The following XYLT1 variants were observed in gnomAD, a reference collection of about 807,000 sequenced individuals.
XYLT1 encodes xylosyltransferase 1.
Under a neutral mutation model 91.3 loss-of-function variants are expected in XYLT1, and 36 were observed. That is an observed-to-expected ratio of 0.39 (90% CI 0.30 to 0.52). XYLT1 has a LOEUF of 0.52. Ranked by LOEUF, XYLT1 falls within the 20% of genes least tolerant of loss-of-function variation. The probability of loss-of-function intolerance (pLI) is 0.68; values close to 1 mark genes in which losing one functional copy is unlikely to be tolerated. For synonymous variants in XYLT1, 588 were observed against 532.0 expected (o/e 1.11, Z -1.45); for missense variants, 1,242 against 1,284.5 (o/e 0.97, Z 0.51).
In XYLT1 at chr16:17,357,993, A is replaced by T; in HGVS notation, c.402+19T>A. Reference sequence around the variant, plus strand: ...ATACTAAGGCTGAGATAAGTGGCCAAGACAGGAAAGATACTTACCTGAGTC... The same window carrying T: ...ATACTAAGGCTGAGATAAGTGGCCATGACAGGAAAGATACTTACCTGAGTC... On this transcript the variant is annotated intron_variant, in intron 2 of 11. Coordinates refer to ENST00000261381, the MANE Select transcript of XYLT1 (RefSeq NM_022166.4). 6.2e-7 allele frequency: 1 copy of T among 1,613,344 alleles called. No individual in the cohort carries two copies. Among genetic ancestry groups the T allele is most frequent in the Non-Finnish European group, 8.5e-7 (1 of 1,179,662 alleles).
chr16:17,156,325 C>T (rs2031406646), intron 6 of XYLT1, among the ~76,000 whole-genome samples: 1 of 152,234 alleles, frequency 6.6e-6, no homozygotes, highest in South Asian at 2.1e-4. Flanking sequence ...AATTCACACA[C>T]AAGTTGATAC....
intron 1 of XYLT1, among the ~76,000 whole-genome samples, chr16:17,408,405 A>G (rs972056462): frequency 1.3e-5 from 2 of 152,164 alleles, no homozygotes; most frequent in African/African-American, 2.4e-5. Context: ...GCTCAGACTC[A>G]CTCCTGAGTT....
At chr16:17,152,849 C>G (rs1272552309) in intron 6 of XYLT1, among the ~76,000 whole-genome samples, 1 of 152,204 alleles carries the variant, frequency 6.6e-6, no homozygotes, top group Non-Finnish European at 1.5e-5. Flanking sequence ...AGCTGTTTCT[C>G]TTACTATGCT....
intron 9 of XYLT1, among the ~76,000 whole-genome samples, chr16:17,130,766 T>C (rs1402500106): frequency 6.6e-6 from 1 of 152,168 alleles, no homozygotes; most frequent in Non-Finnish European, 1.5e-5. Context: ...CTATAACCTG[T>C]TCCCATAGTA....
intron 1 of XYLT1, among the ~76,000 whole-genome samples, chr16:17,466,858 G>A (rs752789114): frequency 3.3e-5 from 5 of 151,230 alleles, no homozygotes; most frequent in Non-Finnish European, 1.5e-5. Context: ...GTAATGCGTC[G>A]CTCAAACAAA....
intron 1 of XYLT1, among the ~76,000 whole-genome samples, chr16:17,379,794 C>A (rs964509959): frequency 8.1e-6 from 1 of 122,706 alleles, no homozygotes; most frequent in Non-Finnish European, 2.0e-5. Context: ...CACACACACA[C>A]CCCTTACCTC....
At chr16:17,414,005 A>G (rs1304707976) in intron 1 of XYLT1, among the ~76,000 whole-genome samples, 2 of 152,192 alleles carry the variant, frequency 1.3e-5, no homozygotes, top group African/African-American at 2.4e-5. Context: ...AAGCCGGTCA[A>G]TCCCAAACTG....
chr16:17,259,020 G>A lies in XYLT1; in HGVS notation c.881C>T (p.Pro294Leu). Reference protein sequence around the residue: ...YCRHKLGLLMPEKVTRFCPLE... With the variant: ...YCRHKLGLLMLEKVTRFCPLE... Reference sequence around the variant, plus strand: ...GGGGCAGAACCGAGTCACCTTCTCAGGCATCAGCAGCCCTAACTTGTGGCG... The same window carrying A: ...GGGGCAGAACCGAGTCACCTTCTCAAGCATCAGCAGCCCTAACTTGTGGCG... The change falls in exon 3 of 12, where the codon CCT (proline) becomes CTT (leucine). Residue 294 changes from proline to leucine, a missense_variant. Pro to Leu is a moderately conservative substitution (Grantham distance 98). Around this residue, in one of 3 missense-constraint regions of XYLT1, gnomAD observed 437 missense variants for 411.5 expected, o/e 1.06. Coordinates refer to ENST00000261381, the MANE Select transcript of XYLT1 (RefSeq NM_022166.4). 6.6e-7 allele frequency: 1 copy of A among 1,510,230 alleles called. No homozygotes were observed. The allele number at this position is 1,510,230 out of a possible 1,614,324, so 93.6% of individuals were successfully genotyped here. A position where few individuals can be genotyped will look rare whatever the true frequency, so the allele number is the denominator to read the frequency against.
chr16:17,138,466 G>A lies in XYLT1; in HGVS notation c.1653C>T (p.Arg551=). Residue 551 remains arginine (R), a synonymous_variant, in exon 8 of 12, where the codon CGC becomes CGT. Coordinates refer to ENST00000261381, the MANE Select transcript of XYLT1 (RefSeq NM_022166.4). ...HCDTMVDNNL[R]ITNWNRKLGC... ...CCAGCTTGCGATTCCAGTTGGTGAT[G>A]CGCAGGTTGTTGTCCACCATGGTGT... The A allele has an allele frequency of 6.2e-7, 1 of 1,614,176 alleles. No homozygotes were observed. The highest frequency in any genetic ancestry group is 8.5e-7 in the Non-Finnish European group (1 of 1,180,032).
intron 8 of XYLT1, among the ~76,000 whole-genome samples, chr16:17,137,828 G>GATATCACTGATGAGGGT (rs1567290814): frequency 6.6e-5 from 10 of 152,126 alleles, no homozygotes. Flanking sequence ...CAAATTCGTC[G>GATATCACTGATGAGGGT]ATATCACTGA....
At chr16:17,183,760 G>A (rs535108978) in intron 5 of XYLT1, among the ~76,000 whole-genome samples, 4 of 152,252 alleles carry the variant, frequency 2.6e-5, no homozygotes, top group East Asian at 3.9e-4. Context: ...ACTTTGAGTG[G>A]CTACTATTGA....
At chr16:17,402,377 A>G (rs2035981345) in intron 1 of XYLT1, among the ~76,000 whole-genome samples, 2 of 152,202 alleles carry the variant, frequency 1.3e-5, no homozygotes, top group Admixed American at 1.3e-4. Flanking sequence ...GAAAAAGACG[A>G]AGTGTACACA....
chr16:17,138,097 T>C (rs938550299), intron 8 of XYLT1: 21 of 425,116 alleles, frequency 4.9e-5, no homozygotes, highest in Non-Finnish European at 8.4e-5. Flanking sequence ...CCTCACAGTT[T>C]TCATATCCCT....
intron 2 of XYLT1, among the ~76,000 whole-genome samples, chr16:17,295,889 T>G (rs1168655290): frequency 6.6e-6 from 1 of 152,190 alleles, no homozygotes; most frequent in Non-Finnish European, 1.5e-5. Flanking sequence ...GGCCTCTGGC[T>G]TTTGCTCTGA....
At chr16:17,311,837 G>A (rs564405692) in intron 2 of XYLT1, among the ~76,000 whole-genome samples, 119 of 145,420 alleles carry the variant, frequency 8.2e-4, no homozygotes, top group African/African-American at 2.4e-3. Context: ...ATGGCAGCAG[G>A]CAAAAGGAAA....
chr16:17,106,730 G>T lies in XYLT1; in HGVS notation c.*1965C>A, dbSNP rs907134766. On this transcript the variant is annotated 3_prime_UTR_variant, in exon 12 of 12. Transcript: ENST00000261381. ...TGTCACCTCCTTGTGCCTGTGACGG[G>T]GGGTGAGTAGGGGGAGGATGGGAGG... The T allele has an allele frequency of 6.6e-6, 1 of 152,114 alleles. No individual in the cohort carries two copies. The highest frequency in any genetic ancestry group is 1.5e-5 in the Non-Finnish European group (1 of 68,070). The allele number at this position is 152,114 out of a possible 1,614,324, so 9.4% of individuals were successfully genotyped here. A position where few individuals can be genotyped will look rare whatever the true frequency, so the allele number is the denominator to read the frequency against.
At position 17,470,453 on chromosome 16, in the gene XYLT1, G is replaced by GC; in HGVS notation, c.343dup (p.Ala115GlyfsTer47). ...TCTTACCAGAGCCCGGGCGGGCAGT[G>GC]CCCCCCGGCTGGCCGGCTGCTGTCC... On this transcript the variant is annotated frameshift_variant, in exon 1 of 12. Coordinates refer to ENST00000261381, the MANE Select transcript of XYLT1 (RefSeq NM_022166.4). LOFTEE classifies it high-confidence loss of function. The GC allele has an allele frequency of 8.1e-7, 1 of 1,231,702 alleles. No homozygotes were observed. Among genetic ancestry groups the GC allele is most frequent in the South Asian group, 4.0e-5 (1 of 25,054 alleles). 76.3% of individuals were successfully genotyped at this position (1,231,702 alleles called of 1,614,324 possible).
At chr16:17,369,893 A>G (rs373208967) in intron 1 of XYLT1, among the ~76,000 whole-genome samples, 234 of 152,284 alleles carry the variant, frequency 1.5e-3, no homozygotes, top group African/African-American at 5.2e-3. Context: ...AAGTGCTCTC[A>G]TCACCCACGA....
chr16:17,127,576 A>G (rs1030710569), intron 10 of XYLT1, 90 bp downstream of exon 10: 1 of 1,451,616 alleles, frequency 6.9e-7, no homozygotes, highest in Non-Finnish European at 9.3e-7. Context: ...CTTCTCCTCC[A>G]TCTCCAACTA....
Sources: allele counts gnomAD v4.1 joint callset (sites outside exome capture counted in the v4.1 genomes callset), GRCh38; gene constraint gnomAD v4.1.1; regional missense constraint gnomAD v4.1.1; transcripts MANE v1.5; gene names NCBI Gene and HGNC (gene_info 2026-07-23, HGNC 2026-07-21).